The following DGKB variants were observed in gnomAD, a reference collection of about 807,000 sequenced individuals.
DGKB encodes the protein diacylglycerol kinase beta, also known as 90 kDa diacylglycerol kinase.
A neutral mutation model predicts 114.3 loss-of-function variants in DGKB; 67 were observed. The observed-to-expected ratio is 0.59, with a 90% confidence interval of 0.48 to 0.72. DGKB has a LOEUF of 0.72. Ranked by LOEUF, DGKB falls within the 30% of genes least tolerant of loss-of-function variation. The pLI is 0.00. For missense variants in DGKB, 907 were observed against 975.2 expected (o/e 0.93, Z 0.93); for synonymous variants, 398 against 323.1 (o/e 1.23, Z -2.49).
At chr7:14,239,772 G>A (rs940773205) in intron 23 of DGKB, among the ~76,000 whole-genome samples, 1 of 151,980 alleles carries the variant, frequency 6.6e-6, no homozygotes, top group Non-Finnish European at 1.5e-5. Flanking sequence ...GTAAAATAAG[G>A]TTTGGGGATT....
At chr7:14,967,368 T>G (rs1441335730) in intron 1 of DGKB, among the ~76,000 whole-genome samples, 2 of 152,022 alleles carry the variant, frequency 1.3e-5, no homozygotes, top group African/African-American at 4.8e-5. Flanking sequence ...TTGCCCAGGC[T>G]GGAGCACAAT....
chr7:14,968,089 G>A (rs1787267183), intron 1 of DGKB, among the ~76,000 whole-genome samples: 1 of 151,868 alleles, frequency 6.6e-6, no homozygotes, highest in African/African-American at 2.4e-5. Context: ...GCTACCGGTT[G>A]CAAATAGGTA....
chr7:14,375,078 G>A (rs1818272934), intron 21 of DGKB, among the ~76,000 whole-genome samples: 1 of 151,854 alleles, frequency 6.6e-6, no homozygotes, highest in Admixed American at 6.6e-5. Flanking sequence ...CTTTTCCTTT[G>A]TAGCTACACA....
chr7:14,169,597 A>G (rs563446750), intron 25 of DGKB, among the ~76,000 whole-genome samples: 54 of 152,154 alleles, frequency 3.5e-4, no homozygotes, highest in African/African-American at 1.3e-3. Context: ...GAATAATTTA[A>G]TGTCATGACA....
intron 2 of DGKB, among the ~76,000 whole-genome samples, chr7:14,807,503 G>A (rs1842920433): frequency 6.6e-6 from 1 of 151,626 alleles, no homozygotes; most frequent in Non-Finnish European, 1.5e-5. Context: ...CTGTCCCATG[G>A]GAAATCATTA....
At chr7:14,880,358 T>C (rs965857630) in intron 1 of DGKB, among the ~76,000 whole-genome samples, 9 of 152,262 alleles carry the variant, frequency 5.9e-5, no homozygotes, top group African/African-American at 2.2e-4. Flanking sequence ...CTCGGGAGGC[T>C]GAGGTAGAAG....
In DGKB at chr7:14,747,781, A is replaced by G. The variant is rs150387263; in HGVS notation, c.168+6147T>C. Among the ~76,000 whole-genome samples, 165 of 107,838 alleles carry G rather than the reference A, an allele frequency of 1.5e-3. 1 individual carries two copies. Among genetic ancestry groups the G allele is most frequent in the African/African-American group, 8.9e-3 (148 of 16,616 alleles). The allele number at this position is 107,838 out of a possible 152,430, so 70.7% of individuals were successfully genotyped here. A position where few individuals can be genotyped will look rare whatever the true frequency, so the allele number is the denominator to read the frequency against. On this transcript the variant is annotated intron_variant, in intron 4 of 25. Coordinates refer to ENST00000402815, the MANE Select transcript of DGKB (RefSeq NM_001350709.2). ...GGCTCAAACACATCCACGCGCACGC[A>G]CACACACACACACACACACAAATGT... is the stretch of plus-strand genomic sequence containing the variant.
chr7:14,769,601 G>C (rs1837110357), intron 2 of DGKB, among the ~76,000 whole-genome samples: 1 of 151,746 alleles, frequency 6.6e-6, no homozygotes, highest in African/African-American at 2.4e-5. Context: ...TTGTTTCCTA[G>C]GGCTGCTATA....
At chr7:14,388,131 C>A (rs1436397614) in intron 21 of DGKB, among the ~76,000 whole-genome samples, 1 of 151,120 alleles carries the variant, frequency 6.6e-6, no homozygotes, top group Non-Finnish European at 1.5e-5. Context: ...CTCGCCTTGG[C>A]CTCCCAAAGT....
At chr7:14,832,171 G>A (rs1356685817) in intron 2 of DGKB, among the ~76,000 whole-genome samples, 1 of 151,974 alleles carries the variant, frequency 6.6e-6, no homozygotes, top group African/African-American at 2.4e-5. Context: ...GAAAATTAAA[G>A]TTTAGAAAAG....
chr7:14,275,846 C>T (rs1798912996), intron 23 of DGKB, among the ~76,000 whole-genome samples: 1 of 152,072 alleles, frequency 6.6e-6, no homozygotes, highest in African/African-American at 2.4e-5. Context: ...TGGCACAATG[C>T]AAATTTTAAA....
chr7:14,322,941 G>A (rs530709178), intron 23 of DGKB, among the ~76,000 whole-genome samples: 1 of 152,148 alleles, frequency 6.6e-6, no homozygotes, highest in East Asian at 1.9e-4. Flanking sequence ...AGCAGTGATA[G>A]CCCTTGTGCA....
At chr7:14,343,088 C>T in intron 22 of DGKB, among the ~76,000 whole-genome samples, 1 of 150,616 alleles carries the variant, frequency 6.6e-6, no homozygotes, top group Non-Finnish European at 1.5e-5. Context: ...GGTAGAAAGG[C>T]ATATTCTGCT....
intron 21 of DGKB, among the ~76,000 whole-genome samples, chr7:14,450,621 A>C (rs1050350655): frequency 6.6e-6 from 1 of 152,050 alleles, no homozygotes; most frequent in Non-Finnish European, 1.5e-5. Flanking sequence ...CCTAAGTAAA[A>C]TATGGCAATC....
At chr7:14,510,005 C>T (rs976457720) in intron 20 of DGKB, among the ~76,000 whole-genome samples, 3 of 152,128 alleles carry the variant, frequency 2.0e-5, no homozygotes, top group Non-Finnish European at 4.4e-5. Flanking sequence ...GAAACCCCGT[C>T]TCTACTAAAA....
chr7:14,914,231 A>C (rs1210020381), intron 1 of DGKB, among the ~76,000 whole-genome samples: 6 of 152,154 alleles, frequency 3.9e-5, no homozygotes, highest in Non-Finnish European at 7.4e-5. Flanking sequence ...TTCTTGTTTC[A>C]CATAAGGGGA....
At chr7:14,223,656 G>C (rs952708012) in intron 23 of DGKB, among the ~76,000 whole-genome samples, 3 of 151,694 alleles carry the variant, frequency 2.0e-5, no homozygotes, top group Admixed American at 1.3e-4. Flanking sequence ...CTTTCAACCT[G>C]CACACTTGCC....
chr7:14,146,564 T>A lies in DGKB; in HGVS notation c.*2567A>T, dbSNP rs1407425942. On this transcript the variant is annotated 3_prime_UTR_variant, in exon 26 of 26. Coordinates refer to ENST00000402815, the MANE Select transcript of DGKB (RefSeq NM_001350709.2). ...ATAGAATTTTCCTTAAACTATATAT[T>A]TTTCATATGAAGCTGTCATAAAACT... is the stretch of plus-strand genomic sequence containing the variant. 4.6e-5 allele frequency: 7 copies of A among 152,306 alleles called. No homozygotes were observed. Among genetic ancestry groups the A allele is most frequent in the Admixed American group, 4.6e-4 (7 of 15,292 alleles). 9.4% of individuals were successfully genotyped at this position (152,306 alleles called of 1,614,324 possible). A position where few individuals can be genotyped will look rare whatever the true frequency, so the allele number is the denominator to read the frequency against.
chr7:14,177,224 A>G (rs1233776399), intron 24 of DGKB, among the ~76,000 whole-genome samples: 1 of 152,136 alleles, frequency 6.6e-6, no homozygotes, highest in Non-Finnish European at 1.5e-5. Flanking sequence ...TTATAACCCT[A>G]CATTGCAAAC....
Sources: allele counts gnomAD v4.1 joint callset (sites outside exome capture counted in the v4.1 genomes callset), GRCh38; gene constraint gnomAD v4.1.1; transcripts MANE v1.5; gene names NCBI Gene and HGNC (gene_info 2026-07-23, HGNC 2026-07-21).